FAM13A: variants seen among roughly 807,000 people sequenced by gnomAD.
FAM13A encodes the protein protein FAM13A.
In FAM13A, 76 loss-of-function variants were observed where a neutral mutation model predicts 129.6. The ratio of observed to expected loss-of-function variants is 0.59; its 90% CI spans 0.49 to 0.71. The LOEUF is 0.71. FAM13A is among the 30% of genes least tolerant of loss of function. The pLI is 0.00. For missense variants in FAM13A, 1,108 were observed against 1,249.3 expected, an observed-to-expected ratio of 0.89 and a Z score of 1.70; for synonymous variants, 443 against 449.9, an observed-to-expected ratio of 0.98 and a Z score of 0.20.
chr4:88,876,711 C>T (rs1415671188), intron 6 of FAM13A, among the ~76,000 whole-genome samples: 1 of 152,020 alleles, frequency 6.6e-6, no homozygotes, highest in Non-Finnish European at 1.5e-5. Context: ...CCTGCCTCGG[C>T]CTCCCAAGTA....
intron 7 of FAM13A, among the ~76,000 whole-genome samples, chr4:88,848,817 A>T (rs1268605488): frequency 6.6e-6 from 1 of 152,116 alleles, no homozygotes; most frequent in Non-Finnish European, 1.5e-5. Flanking sequence ...TCATGATCTG[A>T]CCTATTTAGC....
intron 2 of FAM13A, among the ~76,000 whole-genome samples, chr4:89,022,982 C>T (rs1269525953): frequency 1.3e-5 from 2 of 152,140 alleles, no homozygotes; most frequent in Admixed American, 6.5e-5. Flanking sequence ...ACCATGATCA[C>T]GGCCTTGTAA....
chr4:88,772,630 A>G (rs548932113), intron 11 of FAM13A, among the ~76,000 whole-genome samples: 1 of 152,326 alleles, frequency 6.6e-6, no homozygotes, highest in South Asian at 2.1e-4. Context: ...ATTAGAAAAT[A>G]TCATAAGCCA....
Position 88,903,775 on chromosome 4 carries a change from C to T in FAM13A, c.843+2604G>A, listed in dbSNP as rs563795406. Among the ~76,000 whole-genome samples the T allele has an allele frequency of 9.9e-5, 15 of 152,070 alleles. No homozygotes were observed. The South Asian group carries it at 1.2e-3, about 13-fold the overall frequency. ...TGCAACATAAGCAAAAATTGACAAA[C>T]GGGATCTAGTTAAACTAAAGAGCTT... On this transcript the variant is annotated intron_variant, in intron 6 of 23. Transcript: ENST00000264344.
intron 3 of FAM13A, among the ~76,000 whole-genome samples, chr4:89,011,546 T>C (rs1292897258): frequency 1.3e-5 from 2 of 152,132 alleles, no homozygotes; most frequent in Non-Finnish European, 2.9e-5. Context: ...TTATGTGAGA[T>C]CTTTCTTAAA....
chr4:88,947,054 G>A (rs1756007524), intron 4 of FAM13A, among the ~76,000 whole-genome samples: 1 of 152,034 alleles, frequency 6.6e-6, no homozygotes, highest in South Asian at 2.1e-4. Flanking sequence ...AAAATTATAG[G>A]AGGCCATTGT....
intron 21 of FAM13A, chr4:88,736,283 G>A (rs1738965058): frequency 6.6e-6 from 1 of 152,092 alleles, no homozygotes; most frequent in Admixed American, 6.6e-5. Context: ...ATAAAATTAG[G>A]CATATGATGT....
intron 7 of FAM13A, among the ~76,000 whole-genome samples, chr4:88,826,115 T>C (rs1056568303): frequency 1.3e-5 from 2 of 152,134 alleles, no homozygotes; most frequent in African/African-American, 4.8e-5. Context: ...TTCTAATTTT[T>C]CAAACACGGT....
At chr4:88,766,572 T>A (rs952070610) in intron 13 of FAM13A, among the ~76,000 whole-genome samples, 1 of 152,216 alleles carries the variant, frequency 6.6e-6, no homozygotes, top group African/African-American at 2.4e-5. Flanking sequence ...TTTATGCACA[T>A]TTTTTAATGA....
intron 5 of FAM13A, among the ~76,000 whole-genome samples, chr4:88,913,339 AGAG>A: frequency 7.0e-6 from 1 of 142,362 alleles, no homozygotes; most frequent in African/African-American, 2.6e-5. Flanking sequence ...AAGAAGAAGA[AGAG>A]GAAGAAGAGG....
intron 7 of FAM13A, among the ~76,000 whole-genome samples, chr4:88,840,086 A>G (rs1353790581): frequency 6.6e-6 from 1 of 152,230 alleles, no homozygotes; most frequent in African/African-American, 2.4e-5. Context: ...AAAAGAGACT[A>G]AGAAAAGATA....
chr4:89,009,718 A>G (rs1000842905), intron 3 of FAM13A, among the ~76,000 whole-genome samples: 1 of 152,244 alleles, frequency 6.6e-6, no homozygotes, highest in Non-Finnish European at 1.5e-5. Flanking sequence ...ACATTCCACA[A>G]CAAAGTAACA....
chr4:89,000,222 C>G (rs1003847562), intron 3 of FAM13A, among the ~76,000 whole-genome samples: 2 of 152,092 alleles, frequency 1.3e-5, no homozygotes, highest in Non-Finnish European at 2.9e-5. Flanking sequence ...AAGCATATAT[C>G]CACACAAAAA....
intron 7 of FAM13A, chr4:88,823,086 T>TA: frequency 6.3e-7 from 1 of 1,596,746 alleles, no homozygotes; most frequent in Non-Finnish European, 8.5e-7. Flanking sequence ...AACGTCTTCT[T>TA]ACAGTGGCTA....
chr4:88,811,664 G>A (rs1220527619), intron 7 of FAM13A, among the ~76,000 whole-genome samples: 1 of 152,108 alleles, frequency 6.6e-6, no homozygotes, highest in Non-Finnish European at 1.5e-5. Flanking sequence ...ACAGCTAGAA[G>A]GTGAAAAGTG....
intron 7 of FAM13A, among the ~76,000 whole-genome samples, chr4:88,822,241 G>A (rs770468125): frequency 3.9e-5 from 6 of 152,082 alleles, no homozygotes; most frequent in Admixed American, 2.0e-4. Flanking sequence ...CAGCCCTGAG[G>A]CCCTCTCCAT....
chr4:88,870,792 G>A (rs1741252828), intron 6 of FAM13A, among the ~76,000 whole-genome samples: 1 of 152,212 alleles, frequency 6.6e-6, no homozygotes, highest in Non-Finnish European at 1.5e-5. Flanking sequence ...CGGTGTTTGA[G>A]CTCTGAGAGC....
At chr4:88,863,490 G>C (rs1029339674) in intron 6 of FAM13A, among the ~76,000 whole-genome samples, 2 of 152,174 alleles carry the variant, frequency 1.3e-5, no homozygotes, top group Non-Finnish European at 2.9e-5. Context: ...TCTAAGTTCT[G>C]TGAACTGTTC....
At chr4:88,933,975 A>G (rs1353398625) in intron 5 of FAM13A, among the ~76,000 whole-genome samples, 1 of 152,036 alleles carries the variant, frequency 6.6e-6, no homozygotes, top group African/African-American at 2.4e-5. Flanking sequence ...TTTCAATTCC[A>G]TCTTGCTCAT....
Sources: gnomAD v4.1 joint callset for allele counts (sites outside exome capture counted in the v4.1 genomes callset) on GRCh38, gnomAD v4.1.1 for gene constraint, MANE v1.5 for transcripts, NCBI Gene and HGNC (gene_info 2026-07-23, HGNC 2026-07-21) for gene names.